EXOC6: variants seen among roughly 807,000 people sequenced by gnomAD.
EXOC6 encodes SEC15-like 1.
EXOC6 carries 60 observed loss-of-function variants against 112.5 expected under a neutral mutation model. That is an observed-to-expected ratio of 0.53 (90% confidence interval 0.43 to 0.66). The LOEUF (loss-of-function observed/expected upper bound fraction) is 0.66, where lower values mean the gene tolerates loss of function less well. Among genes scored for constraint, EXOC6 ranks in the 30% least tolerant of loss-of-function variants. The pLI is 0.00. For missense variants in EXOC6, 855 were observed against 957.1 expected (o/e 0.89, Z 1.41); for synonymous variants, 295 against 308.0 (o/e 0.96, Z 0.44).
At chr10:92,981,935 G>A (rs940287593) in intron 18 of EXOC6, among the ~76,000 whole-genome samples, 1 of 152,114 alleles carries the variant, frequency 6.6e-6, no homozygotes, top group Non-Finnish European at 1.5e-5. Context: ...GACCAACATG[G>A]TGAAACTCCG....
At chr10:93,028,680 C>T (rs1845130051) in intron 20 of EXOC6, among the ~76,000 whole-genome samples, 1 of 151,908 alleles carries the variant, frequency 6.6e-6, no homozygotes, top group Non-Finnish European at 1.5e-5. Flanking sequence ...ACTAAAAATA[C>T]AGAATTAGTT....
At chr10:92,989,855 A>C (rs1564890601) in intron 18 of EXOC6, among the ~76,000 whole-genome samples, 2 of 152,210 alleles carry the variant, frequency 1.3e-5, no homozygotes, top group Non-Finnish European at 2.9e-5. Context: ...AGATTTTGAA[A>C]GTTTGGCACT....
At position 92,954,630 on chromosome 10, in the gene EXOC6, C is replaced by T. The variant is rs781689522; in HGVS notation, c.1527C>T (p.Ser509=). The change falls in exon 16 of 22, where the codon AGC becomes AGT. Residue 509 remains serine (S), a splice_region_variant and synonymous_variant. Coordinates refer to ENST00000260762, the MANE Select transcript of EXOC6 (RefSeq NM_019053.6). ...SLKFSESLHR[S]STEIDDMLRK... ...TAATAATATCAATCTTTGTTTTTAG[C>T]TCAACAGAAATAGACGATATGCTTA... 2 of 1,537,292 alleles carry T rather than the reference C, an allele frequency of 1.3e-6. No homozygotes were observed. Among genetic ancestry groups the T allele is most frequent in the South Asian group, 2.3e-5 (2 of 86,044 alleles).
intron 19 of EXOC6, among the ~76,000 whole-genome samples, chr10:93,000,471 G>A (rs2134189481): frequency 6.6e-6 from 1 of 152,252 alleles, no homozygotes. Flanking sequence ...TAGTCTCTTG[G>A]AAAAGACCAA....
Position 92,883,694 on chromosome 10 carries a change from G to A in EXOC6, c.102-9655G>A, listed in dbSNP as rs141455623. Among the ~76,000 whole-genome samples, 1,378 of 152,208 alleles carry A rather than the reference G, an allele frequency of 9.1e-3. 11 individuals are homozygous for A. The highest frequency in any genetic ancestry group is 0.011 in the Non-Finnish European group (723 of 68,014). On this transcript the variant is annotated intron_variant, in intron 1 of 21. Coordinates refer to ENST00000260762, the MANE Select transcript of EXOC6 (RefSeq NM_019053.6). ...CCTATACTGGAAGAATAAAGAATGC[G>A]CAGAAGAGTGTGAAAGCAATTTTTT...
chr10:92,896,177 ATATATTTTTTTTTTTTTTTT>A (rs1564810079), intron 4 of EXOC6, among the ~76,000 whole-genome samples: 271 of 16,146 alleles, frequency 0.017, 19 homozygotes, highest in African/African-American at 0.044. Context: ...ATATATATAT[ATATATTTTTTTTTTTTTTTT>A]TTTTTTTTTT....
intron 1 of EXOC6, among the ~76,000 whole-genome samples, chr10:92,876,483 T>G (rs949183998): frequency 6.6e-6 from 1 of 152,118 alleles, no homozygotes; most frequent in African/African-American, 2.4e-5. Flanking sequence ...GCCAGTTGAC[T>G]CCAGAGCCTA....
intron 18 of EXOC6, among the ~76,000 whole-genome samples, chr10:92,980,188 A>G (rs1490214143): frequency 2.6e-5 from 4 of 152,330 alleles, no homozygotes; most frequent in Non-Finnish European, 5.9e-5. Context: ...GGATGTGCAT[A>G]GATGGGCTGT....
At chr10:92,856,613 G>A (rs1847613466) in intron 1 of EXOC6, among the ~76,000 whole-genome samples, 1 of 152,148 alleles carries the variant, frequency 6.6e-6, no homozygotes, top group South Asian at 2.1e-4. Context: ...GCCTAACATA[G>A]TCTGTACTGG....
chr10:92,914,470 C>G (rs990385728), intron 6 of EXOC6, among the ~76,000 whole-genome samples: 1 of 152,012 alleles, frequency 6.6e-6, no homozygotes, highest in African/African-American at 2.4e-5. Context: ...ACTTAGAACC[C>G]TTTTTTCAAG....
intron 18 of EXOC6, among the ~76,000 whole-genome samples, chr10:92,983,454 T>A (rs1842895132): frequency 6.6e-6 from 1 of 151,936 alleles, no homozygotes; most frequent in Non-Finnish European, 1.5e-5. Flanking sequence ...TTTTAAAGTA[T>A]TGATTGTTAC....
intron 17 of EXOC6, among the ~76,000 whole-genome samples, chr10:92,959,509 C>T (rs977254875): frequency 3.9e-5 from 6 of 152,110 alleles, no homozygotes; most frequent in Admixed American, 6.6e-5. Context: ...AATTGATAAA[C>T]TGAACTTCAT....
intron 1 of EXOC6, among the ~76,000 whole-genome samples, chr10:92,857,411 T>C (rs1015450339): frequency 6.6e-6 from 1 of 152,090 alleles, no homozygotes; most frequent in Admixed American, 6.5e-5. Flanking sequence ...TTACTATAAT[T>C]GTTACTTTTT....
At chr10:92,992,518 T>C (rs953978613) in intron 18 of EXOC6, among the ~76,000 whole-genome samples, 3 of 152,072 alleles carry the variant, frequency 2.0e-5, no homozygotes, top group Non-Finnish European at 4.4e-5. Flanking sequence ...TGGGGAAAGT[T>C]TCATATTCTG....
chr10:93,027,778 C>G (rs539950424), intron 20 of EXOC6, among the ~76,000 whole-genome samples: 10 of 152,356 alleles, frequency 6.6e-5, no homozygotes, highest in African/African-American at 2.4e-4. Flanking sequence ...TGGACTTCAT[C>G]ACTCAAGAAC....
At chr10:92,930,675 T>C (rs908825227) in intron 9 of EXOC6, among the ~76,000 whole-genome samples, 1 of 151,988 alleles carries the variant, frequency 6.6e-6, no homozygotes, top group Non-Finnish European at 1.5e-5. Flanking sequence ...TTGTAAACTT[T>C]TAGGAAAAAA....
At chr10:93,028,317 C>A (rs891181193) in intron 20 of EXOC6, among the ~76,000 whole-genome samples, 1 of 151,836 alleles carries the variant, frequency 6.6e-6, no homozygotes, top group Non-Finnish European at 1.5e-5. Context: ...AAAAAGTTTC[C>A]ATTCCTCATG....
chr10:92,936,852 G>T (rs538034299), intron 12 of EXOC6, among the ~76,000 whole-genome samples: 1 of 151,890 alleles, frequency 6.6e-6, no homozygotes, highest in South Asian at 2.1e-4. Context: ...TCACAGCGGG[G>T]GGTTTATAAC....
intron 12 of EXOC6, among the ~76,000 whole-genome samples, chr10:92,940,087 G>A (rs1852571730): frequency 6.6e-6 from 1 of 152,010 alleles, no homozygotes; most frequent in African/African-American, 2.4e-5. Flanking sequence ...ACATAATAGA[G>A]TAAGAAGTTA....
Sources: gnomAD v4.1 joint callset for allele counts (sites outside exome capture counted in the v4.1 genomes callset) on GRCh38, gnomAD v4.1.1 for gene constraint, MANE v1.5 for transcripts, NCBI Gene and HGNC (gene_info 2026-07-23, HGNC 2026-07-21) for gene names.